Variants in TIAM2 observed in about 807,000 individuals in gnomAD.
TIAM2 encodes the protein TIAM Rac1 associated GEF 2, also known as rho guanine nucleotide exchange factor TIAM2.
A neutral mutation model predicts 152.9 loss-of-function variants in TIAM2; 80 were observed. The ratio of observed to expected loss-of-function variants is 0.52; its 90% CI spans 0.44 to 0.63. TIAM2 has a LOEUF of 0.63. Among genes scored for constraint, TIAM2 ranks in the 30% least tolerant of loss-of-function variants. The pLI is 0.00. For missense variants in TIAM2, 1,965 were observed against 2,120.1 expected (o/e 0.93, Z 1.44); for synonymous variants, 804 against 838.0 (o/e 0.96, Z 0.70).
At chr6:155,038,093 T>C (rs889326026) in intron 1 of TIAM2, among the ~76,000 whole-genome samples, 1 of 152,220 alleles carries the variant, frequency 6.6e-6, no homozygotes, top group Admixed American at 6.5e-5. Context: ...AAACCTTCTA[T>C]TGAAGGGCAC....
intron 1 of TIAM2, among the ~76,000 whole-genome samples, chr6:155,028,343 T>TACATATAATATATA (rs2114878760): frequency 1.7e-5 from 2 of 118,384 alleles, no homozygotes; most frequent in African/African-American, 8.1e-5. Flanking sequence ...TAATATATAC[T>TACATATAATATATA]GTGTTACATA....
At chr6:155,100,893 A>G (rs766993923) in intron 2 of TIAM2, among the ~76,000 whole-genome samples, 15 of 152,350 alleles carry the variant, frequency 9.8e-5, no homozygotes, top group Non-Finnish European at 1.9e-4. Context: ...GTCCAGTGTC[A>G]TACAGTGGGA....
At chr6:155,243,454 A>G (rs957885866) in intron 16 of TIAM2, among the ~76,000 whole-genome samples, 2 of 152,200 alleles carry the variant, frequency 1.3e-5, no homozygotes, top group Non-Finnish European at 2.9e-5. Context: ...AGCAGAGGGA[A>G]TGATCGAGCT....
chr6:155,148,905 T>G (rs907312647), intron 7 of TIAM2, among the ~76,000 whole-genome samples: 5 of 152,172 alleles, frequency 3.3e-5, no homozygotes, highest in African/African-American at 1.2e-4. Context: ...GTTTGAAAAT[T>G]TTTATTTCCC....
rs372916270 is a variant in TIAM2 at position 155,212,114 on chromosome 6, C to A, written c.3168+807C>A. 4.8e-4 allele frequency among the ~76,000 whole-genome samples: 73 copies of A among 152,236 alleles called. 1 individual carries two copies. The East Asian group carries it at 0.011, about 22-fold the overall frequency. ...CACCACATTTTGTTTATTCATTCAT[C>A]TGTTGATAGACACTTGGATTATTGC... On this transcript the variant is annotated intron_variant, in intron 15 of 26. Coordinates refer to ENST00000682666, the MANE Select transcript of TIAM2 (RefSeq NM_012454.4).
In TIAM2 at chr6:155,042,922, C is replaced by A. The variant is rs115325820; in HGVS notation, c.-208-47367C>A. On this transcript the variant is annotated intron_variant, in intron 1 of 26. Transcript: ENST00000682666. ...GCACCATCTCCTCAATCTTCCCTCC[C>A]TCCAGCCTCCCTCAGTTACTTTACT... 4.6e-3 allele frequency among the ~76,000 whole-genome samples: 704 copies of A among 152,300 alleles called. 6 individuals carry two copies. The highest frequency in any genetic ancestry group is 0.015 in the African/African-American group (623 of 41,562).
intron 1 of TIAM2, among the ~76,000 whole-genome samples, chr6:155,033,435 C>T (rs1776860127): frequency 6.6e-6 from 1 of 152,130 alleles, no homozygotes; most frequent in African/African-American, 2.4e-5. Context: ...TTATGAAATT[C>T]CCTAATCTTG....
chr6:155,047,687 A>G (rs371804808), intron 1 of TIAM2, among the ~76,000 whole-genome samples: 12 of 104,710 alleles, frequency 1.1e-4, no homozygotes, highest in South Asian at 3.7e-4. Context: ...AGAGAGAGAG[A>G]GGAGAGAGAG....
rs540569517 is a variant in TIAM2, at chr6:155,030,910, TA to T, written c.-209+35422del. Among the ~76,000 whole-genome samples the T allele has an allele frequency of 4.6e-4, 70 of 152,244 alleles. 1 individual carries two copies. The highest frequency in any genetic ancestry group is 1.4e-3 in the African/African-American group (60 of 41,560). Reference sequence around the variant, plus strand: ...TCTCTCGTTAGAAGACTTGGGGAAATAAAAGGTAAGGATTCCTCTGGCATAG... The same window carrying T: ...TCTCTCGTTAGAAGACTTGGGGAAATAAAGGTAAGGATTCCTCTGGCATAG... On this transcript the variant is annotated intron_variant, in intron 1 of 26. Coordinates refer to ENST00000682666, the MANE Select transcript of TIAM2 (RefSeq NM_012454.4).
intron 14 of TIAM2, among the ~76,000 whole-genome samples, chr6:155,184,723 G>C (rs960839692): frequency 2.6e-5 from 4 of 152,092 alleles, no homozygotes; most frequent in Admixed American, 6.5e-5. Flanking sequence ...GTCATTTTTG[G>C]AATTAAAAAA....
At chr6:155,033,728 G>GT (rs981356680) in intron 1 of TIAM2, among the ~76,000 whole-genome samples, 2 of 149,732 alleles carry the variant, frequency 1.3e-5, no homozygotes, top group African/African-American at 4.9e-5. Flanking sequence ...TTCTTTTTTT[G>GT]TTTTTTGAGA....
intron 14 of TIAM2, among the ~76,000 whole-genome samples, chr6:155,185,333 GC>G (rs1191980001): frequency 6.6e-6 from 1 of 151,610 alleles, no homozygotes; most frequent in East Asian, 1.9e-4. Flanking sequence ...CACCATGTTG[GC>G]CAGGCTGGTC....
intron 1 of TIAM2, among the ~76,000 whole-genome samples, chr6:155,071,305 C>T (rs1350694138): frequency 6.6e-6 from 1 of 152,186 alleles, no homozygotes; most frequent in Non-Finnish European, 1.5e-5. Context: ...CCAGAGAACA[C>T]CTGAACTTAC....
At chr6:155,149,674 G>A (rs1779902585) in intron 7 of TIAM2, among the ~76,000 whole-genome samples, 1 of 152,048 alleles carries the variant, frequency 6.6e-6, no homozygotes, top group Non-Finnish European at 1.5e-5. Context: ...TATAATCCCG[G>A]CGCTTTGGGA....
At chr6:155,036,679 A>C (rs992107957) in intron 1 of TIAM2, among the ~76,000 whole-genome samples, 1 of 151,372 alleles carries the variant, frequency 6.6e-6, no homozygotes, top group Non-Finnish European at 1.5e-5. Flanking sequence ...GTGCAATGGC[A>C]TGATCTCGGC....
At chr6:155,217,193 A>G in intron 15 of TIAM2, 2 of 1,222,710 alleles carry the variant, frequency 1.6e-6, no homozygotes, top group Non-Finnish European at 2.1e-6. Flanking sequence ...ATTTTGCTCT[A>G]AAAATGTCTA....
rs1448324917 is a variant in TIAM2 at position 155,011,713 on chromosome 6, T to C, written c.-209+16221T>C. Among the ~76,000 whole-genome samples, 4 of 152,250 alleles carry C rather than the reference T, an allele frequency of 2.6e-5. No individual in the cohort carries two copies. In the East Asian group the frequency reaches 7.7e-4, roughly 29 times the overall value. ...ATTTAATTACAGCTATTTTGATATT[T>C]GGCCAAGTCACTAAAACCAGTCAAC... On this transcript the variant is annotated intron_variant, in intron 1 of 26. Transcript: ENST00000682666.
At position 155,213,072 on chromosome 6, in the gene TIAM2, C is replaced by T. The variant is rs1413364066; in HGVS notation, c.3168+1765C>T. ...GTCTGGGCTCCCTGAAGGGCTGCAG[C>T]TCTTCTCTCCTCCTCTTTTCTCTCC... On this transcript the variant is annotated intron_variant, in intron 15 of 26. Transcript: ENST00000682666. The surrounding 1 kb of genome is among the most constrained non-coding windows in gnomAD (Gnocchi z 4.2). Among the ~76,000 whole-genome samples, 9 of 152,200 alleles carry T rather than the reference C, an allele frequency of 5.9e-5. No individual in the cohort carries two copies. Among genetic ancestry groups the T allele is most frequent in the South Asian group, 4.1e-4 (2 of 4,834 alleles).
At chr6:155,155,260 T>G (rs1479580584) in intron 7 of TIAM2, among the ~76,000 whole-genome samples, 2 of 152,136 alleles carry the variant, frequency 1.3e-5, no homozygotes, top group Admixed American at 6.5e-5. Context: ...CACTGCAACC[T>G]CTGCCTCCTG....
Sources: gnomAD v4.1 joint callset for allele counts (sites outside exome capture counted in the v4.1 genomes callset) on GRCh38, gnomAD v4.1.1 for gene constraint, Gnocchi (gnomAD v3.1) non-coding constraint, MANE v1.5 for transcripts, NCBI Gene and HGNC (gene_info 2026-07-23, HGNC 2026-07-21) for gene names.